Variants in TYW1B observed in about 807,000 individuals in gnomAD.
TYW1B encodes tRNA-yW synthesizing protein 1 homolog B.
TYW1B carries 73 observed loss-of-function variants against 86.9 expected under a neutral mutation model. The ratio of observed to expected loss-of-function variants is 0.84; its 90% CI spans 0.70 to 1.02. The LOEUF (loss-of-function observed/expected upper bound fraction) is 1.02, where lower values mean the gene tolerates loss of function less well. Ranked by LOEUF, TYW1B falls within the 50% of genes least tolerant of loss-of-function variation. The probability of loss-of-function intolerance (pLI) is 0.00; values close to 1 mark genes in which losing one functional copy is unlikely to be tolerated. For synonymous variants in TYW1B, 248 were observed against 292.8 expected (o/e 0.85, Z 1.56); for missense variants, 637 against 827.4 (o/e 0.77, Z 2.82).
In TYW1B at chr7:72,575,273, T is replaced by A. The variant is rs1400941314; in HGVS notation, c.*225A>T. 7.3e-7 allele frequency: 1 copy of A among 1,370,052 alleles called. No homozygotes were observed. The highest frequency in any genetic ancestry group is 9.4e-7 in the Non-Finnish European group (1 of 1,060,302). The allele number at this position is 1,370,052 out of a possible 1,614,324, so 84.9% of individuals were successfully genotyped here. On this transcript the variant is annotated 3_prime_UTR_variant, in exon 14 of 14. Coordinates refer to ENST00000620995, the MANE Select transcript of TYW1B (RefSeq NM_001145440.3). ...CCCAAAATAATTTTCCTCTTAGAAG[T>A]AAAATCAGGAAAGGGGCTGAGTTCT...
At chr7:72,652,377 GAAAAAAAAAAAAAAA>G (rs1169791430) in intron 11 of TYW1B, among the ~76,000 whole-genome samples, 1 of 31,286 alleles carries the variant, frequency 3.2e-5, no homozygotes, top group Non-Finnish European at 6.6e-5. Context: ...GACTCTGTCT[GAAAAAAAAAAAAAAA>G]AAAAAAAAAA....
intron 11 of TYW1B, among the ~76,000 whole-genome samples, chr7:72,650,232 T>C (rs1173851990): frequency 6.6e-6 from 1 of 151,906 alleles, no homozygotes; most frequent in Non-Finnish European, 1.5e-5. Context: ...TTTTAACCCA[T>C]CAATTAACCT....
intron 12 of TYW1B, among the ~76,000 whole-genome samples, chr7:72,622,011 A>T (rs528200001): frequency 9.7e-4 from 148 of 152,390 alleles, no homozygotes; most frequent in Admixed American, 3.0e-3. Context: ...GTTTTAAATC[A>T]TTTGACAACA....
At chr7:72,810,061 T>C (rs1329998479) in intron 4 of TYW1B, among the ~76,000 whole-genome samples, 2 of 148,764 alleles carry the variant, frequency 1.3e-5, no homozygotes, top group Non-Finnish European at 3.0e-5. Context: ...GCAGATCACA[T>C]GAGGCCAGGA....
intron 2 of TYW1B, among the ~76,000 whole-genome samples, chr7:72,822,091 C>CA (rs1166939207): frequency 7.7e-6 from 1 of 130,360 alleles, no homozygotes; most frequent in African/African-American, 2.9e-5. Flanking sequence ...CCTAAAAATA[C>CA]AAAAATCCCA....
chr7:72,705,211 T>A (rs1342480607), intron 10 of TYW1B, among the ~76,000 whole-genome samples: 5 of 152,214 alleles, frequency 3.3e-5, no homozygotes, highest in Non-Finnish European at 7.3e-5. Flanking sequence ...ACTGCATGTT[T>A]ATTAAACTTC....
chr7:72,596,382 T>C (rs1554432605), intron 13 of TYW1B, among the ~76,000 whole-genome samples: 1 of 152,050 alleles, frequency 6.6e-6, no homozygotes, highest in Admixed American at 6.6e-5. Flanking sequence ...CACTCCCTGA[T>C]TTCAAAACTT....
At chr7:72,711,778 C>T (rs1786673783) in intron 10 of TYW1B, among the ~76,000 whole-genome samples, 2 of 151,794 alleles carry the variant, frequency 1.3e-5, no homozygotes, top group African/African-American at 2.4e-5. Context: ...TGAGTCACTG[C>T]GCCCTGCCCC....
At chr7:72,702,856 C>G (rs1412458545) in intron 10 of TYW1B, among the ~76,000 whole-genome samples, 68 of 151,792 alleles carry the variant, frequency 4.5e-4, no homozygotes, top group African/African-American at 1.6e-3. Context: ...CGCTTGTGAT[C>G]ATTTTTGCCA....
chr7:72,655,357 A>G (rs1554443479), intron 11 of TYW1B, among the ~76,000 whole-genome samples: 1 of 152,140 alleles, frequency 6.6e-6, no homozygotes, highest in Non-Finnish European at 1.5e-5. Context: ...CGTTCCAGAG[A>G]GAGAATTCAC....
intron 11 of TYW1B, among the ~76,000 whole-genome samples, chr7:72,677,794 C>T (rs1277462647): frequency 1.3e-5 from 2 of 152,020 alleles, no homozygotes; most frequent in South Asian, 2.1e-4. Flanking sequence ...CTCCATCTCC[C>T]GGGTTCAAGT....
At chr7:72,729,250 AC>A (rs1463949688) in intron 8 of TYW1B, among the ~76,000 whole-genome samples, 1 of 152,170 alleles carries the variant, frequency 6.6e-6, no homozygotes, top group East Asian at 1.9e-4. Flanking sequence ...GCAAACTGTC[AC>A]CATCATGTTA....
At chr7:72,716,234 G>A (rs1786780540) in intron 9 of TYW1B, among the ~76,000 whole-genome samples, 1 of 152,352 alleles carries the variant, frequency 6.6e-6, no homozygotes, top group African/African-American at 2.4e-5. Context: ...ACCATGCCCA[G>A]CCATTATTGG....
chr7:72,594,141 A>G (rs1554432181), intron 13 of TYW1B, among the ~76,000 whole-genome samples: 1 of 152,038 alleles, frequency 6.6e-6, no homozygotes, highest in Non-Finnish European at 1.5e-5. Context: ...AAAAGCTAGC[A>G]GAAGGAAATA....
At chr7:72,632,287 A>ATATATATATATATATAT (rs1259821049) in intron 11 of TYW1B, among the ~76,000 whole-genome samples, 5 of 110,282 alleles carry the variant, frequency 4.5e-5, no homozygotes, top group East Asian at 2.7e-4. Flanking sequence ...ATATACGTGT[A>ATATATATATATATATAT]TATATATATA....
In TYW1B at chr7:72,754,948, C is replaced by T. The variant is rs917095652; in HGVS notation, c.965-10347G>A. ...ATTATGTATGTGATATTATATTATC[C>T]GTAAATTTACTTTAACAATAGTATA... On this transcript the variant is annotated intron_variant, in intron 7 of 13. Transcript: ENST00000620995. Among the ~76,000 whole-genome samples the T allele has an allele frequency of 2.0e-5, 3 of 151,786 alleles. No individual in the cohort carries two copies. The East Asian group carries it at 5.8e-4, about 29-fold the overall frequency.
chr7:72,777,212 C>T (rs1314867399), intron 7 of TYW1B, among the ~76,000 whole-genome samples: 1 of 152,070 alleles, frequency 6.6e-6, no homozygotes, highest in Non-Finnish European at 1.5e-5. Flanking sequence ...ATAGTAATAT[C>T]CCAATAAACC....
intron 9 of TYW1B, among the ~76,000 whole-genome samples, chr7:72,716,743 A>C (rs1786793944): frequency 6.6e-6 from 1 of 151,254 alleles, no homozygotes; most frequent in Admixed American, 6.6e-5. Context: ...GGTTCAAGCA[A>C]TTCTCCTGCC....
chr7:72,704,380 G>C (rs1214922778), intron 10 of TYW1B, among the ~76,000 whole-genome samples: 1 of 145,882 alleles, frequency 6.9e-6, no homozygotes, highest in Non-Finnish European at 1.5e-5. Flanking sequence ...GTTGTAGTGA[G>C]CCCAGATCGC....
Sources: gnomAD v4.1 joint callset for allele counts (sites outside exome capture counted in the v4.1 genomes callset) on GRCh38, gnomAD v4.1.1 for gene constraint, MANE v1.5 for transcripts, NCBI Gene and HGNC (gene_info 2026-07-23, HGNC 2026-07-21) for gene names.